TAF5L: variants seen among roughly 807,000 people sequenced by gnomAD.
The protein encoded by TAF5L is TAF5-like RNA polymerase II p300/CBP-associated factor-associated factor 65 kDa subunit 5L.
A neutral mutation model predicts 51.3 loss-of-function variants in TAF5L; 7 were observed. The observed-to-expected ratio is 0.14, with a 90% CI of 0.08 to 0.26. The LOEUF is 0.26. Among genes scored for constraint, TAF5L ranks in the 10% least tolerant of loss-of-function variants. The pLI is 1.00. For missense variants in TAF5L, 575 were observed against 758.9 expected (o/e 0.76, Z 2.85); for synonymous variants, 291 against 308.1 (o/e 0.94, Z 0.58).
chr1:229,610,342 AG>A, intron 2 of TAF5L, 132 bp from the exon 3 acceptor site: 2 of 771,970 alleles, frequency 2.6e-6, no homozygotes, highest in South Asian at 1.7e-5. Flanking sequence ...AGGTTTCCAA[AG>A]CATGCTGGGT....
In TAF5L at chr1:229,594,270, C is replaced by G; in HGVS notation, c.*27G>C. On this transcript the variant is annotated 3_prime_UTR_variant, in exon 5 of 5. Transcript: ENST00000258281. The surrounding 1 kb of genome is among the most constrained non-coding windows in gnomAD (Gnocchi z 7.9). ...CAACTGGAGGCTTTCCACTGTTACCCCAGTCCGTTCCAACAAAGTTAAAAA... is the reference window on the plus strand; with the variant it reads ...CAACTGGAGGCTTTCCACTGTTACCGCAGTCCGTTCCAACAAAGTTAAAAA... The G allele has an allele frequency of 6.3e-7, 1 of 1,584,658 alleles. No individual in the cohort carries two copies. Among genetic ancestry groups the G allele is most frequent in the Non-Finnish European group, 8.6e-7 (1 of 1,163,728 alleles).
Position 229,594,267 on chromosome 1 carries a change from A to C in TAF5L, c.*30T>G, listed in dbSNP as rs1377062817. 6.3e-7 allele frequency: 1 copy of C among 1,578,170 alleles called. No individual in the cohort carries two copies. Among genetic ancestry groups the C allele is most frequent in the Admixed American group, 1.7e-5 (1 of 57,718 alleles). The stretch of plus-strand genomic sequence containing the variant: ...TTGCAACTGGAGGCTTTCCACTGTT[A>C]CCCCAGTCCGTTCCAACAAAGTTAA... On this transcript the variant is annotated 3_prime_UTR_variant, in exon 5 of 5. Transcript: ENST00000258281. This position sits in a 1 kb window ranked among gnomAD's most constrained non-coding sequence, Gnocchi z 7.9.
chr1:229,610,096 G>T lies in TAF5L; in HGVS notation c.247+10C>A, dbSNP rs935626500. On this transcript the variant is annotated intron_variant, in intron 3 of 4. Coordinates refer to ENST00000258281, the Ensembl canonical transcript of TAF5L. Reference sequence around the variant, plus strand: ...CTTAAAAAGAAAAGGTTCTAGAGCTGAGTACTTACCAGTGAGAAAATTCCG... The same window carrying T: ...CTTAAAAAGAAAAGGTTCTAGAGCTTAGTACTTACCAGTGAGAAAATTCCG... The T allele has an allele frequency of 1.2e-6, 2 of 1,612,552 alleles. No homozygotes were observed. Among genetic ancestry groups the T allele is most frequent in the Non-Finnish European group, 1.7e-6 (2 of 1,178,626 alleles).
At chr1:229,609,122 T>C (rs1664702975) in intron 3 of TAF5L, among the ~76,000 whole-genome samples, 1 of 152,210 alleles carries the variant, frequency 6.6e-6, no homozygotes, top group African/African-American at 2.4e-5. Context: ...TAAGATATAT[T>C]GATATGGTCC....
chr1:229,608,544 A>C (rs1664677710), intron 3 of TAF5L, among the ~76,000 whole-genome samples: 1 of 152,224 alleles, frequency 6.6e-6, no homozygotes, highest in Admixed American at 6.5e-5. Flanking sequence ...GAACTTAGAG[A>C]TATTTTTTAT....
intron 4 of TAF5L, among the ~76,000 whole-genome samples, chr1:229,597,976 C>A (rs1463913534): frequency 6.6e-6 from 1 of 152,132 alleles, no homozygotes; most frequent in Non-Finnish European, 1.5e-5. Context: ...TGGAATTTAG[C>A]CTCCATCTAT....
chr1:229,593,753 A>G (rs1260226507), exon 5 of TAF5L: 1 of 151,238 alleles, frequency 6.6e-6, no homozygotes, highest in Non-Finnish European at 1.5e-5. Flanking sequence ...AATAATAATA[A>G]TTATAATTAT....
intron 4 of TAF5L, chr1:229,601,011 AAG>A (rs1558145573): frequency 1.0e-6 from 1 of 984,252 alleles, no homozygotes; most frequent in Non-Finnish European, 1.2e-6. Flanking sequence ...CTCCAAGGAA[AAG>A]AGATGTTTGA....
chr1:229,619,016 T>C (rs1196321999), intron 1 of TAF5L, among the ~76,000 whole-genome samples: 1 of 152,228 alleles, frequency 6.6e-6, no homozygotes, highest in Non-Finnish European at 1.5e-5. Context: ...TTTTGAGTAA[T>C]TGTATCTTTT....
intron 2 of TAF5L, among the ~76,000 whole-genome samples, chr1:229,612,228 A>G (rs898625908): frequency 2.6e-5 from 4 of 152,318 alleles, no homozygotes; most frequent in African/African-American, 9.6e-5. Flanking sequence ...CATGTTTCTC[A>G]CTTTTCCTGG....
chr1:229,595,160 A>T (rs1279558545), intron 4 of TAF5L, 66 bp from the exon 5 acceptor site: 1 of 1,491,728 alleles, frequency 6.7e-7, no homozygotes, highest in Non-Finnish European at 9.0e-7. Flanking sequence ...TCTGACAAGG[A>T]AAACAAGTCC....
chr1:229,615,600 A>G (rs1302625732), intron 1 of TAF5L, among the ~76,000 whole-genome samples: 2 of 151,990 alleles, frequency 1.3e-5, no homozygotes, highest in Admixed American at 6.6e-5. Context: ...CACAAAAATA[A>G]AAAGAAAAGG....
intron 3 of TAF5L, among the ~76,000 whole-genome samples, chr1:229,605,551 G>C (rs559419612): frequency 7.9e-5 from 12 of 151,928 alleles, no homozygotes; most frequent in African/African-American, 2.2e-4. Flanking sequence ...GTCAAACTGT[G>C]GGGGGGCCCA....
At chr1:229,610,251 G>A (rs1664739896) in intron 2 of TAF5L, 41 bp from the exon 3 acceptor site, 3 of 1,591,592 alleles carry the variant, frequency 1.9e-6, no homozygotes, top group African/African-American at 2.7e-5. Context: ...GGGAAACAGA[G>A]AGACGATTAT....
intron 2 of TAF5L, among the ~76,000 whole-genome samples, chr1:229,611,773 G>A (rs760176646): frequency 2.6e-5 from 4 of 152,104 alleles, no homozygotes; most frequent in African/African-American, 7.2e-5. Flanking sequence ...ACTGCCACCA[G>A]ACTGAGTTTT....
Position 229,602,887 on chromosome 1 carries a change from G to C in TAF5L, c.280C>G (p.Pro94Ala). ...TAGACAAAGAGAGGATAGAGGAGAG[G>C]CATCACTTCGTGGCTATGCTGGGAA... Residue 94 changes from proline to alanine, a missense_variant, in exon 4 of 5, where the codon CCT becomes GCT. Pro to Ala is a conservative substitution (Grantham distance 27). This residue lies in a region of TAF5L where 380 missense variants were observed against 443.7 expected (regional missense o/e 0.86). Coordinates refer to ENST00000258281, the Ensembl canonical transcript of TAF5L. This position sits in a 1 kb window ranked among gnomAD's most constrained non-coding sequence, Gnocchi z 4.6. 1 of 1,604,198 alleles carries C rather than the reference G, an allele frequency of 6.2e-7. No individual in the cohort carries two copies. Among genetic ancestry groups the C allele is most frequent in the East Asian group, 2.2e-5 (1 of 44,862 alleles).
At chr1:229,601,033 T>C (rs1470857266) in intron 4 of TAF5L, 1 of 982,954 alleles carries the variant, frequency 1.0e-6, no homozygotes, top group African/African-American at 1.7e-5. Context: ...AAAATTCAAA[T>C]ACAAATGTAA....
At chr1:229,610,238 G>A (rs901885872) in intron 2 of TAF5L, 28 bp from the exon 3 acceptor site, 3 of 1,606,564 alleles carry the variant, frequency 1.9e-6, no homozygotes, top group Non-Finnish European at 2.6e-6. Flanking sequence ...CACAAGTCAG[G>A]GCGGGAAACA....
chr1:229,599,849 T>C (rs986782008), intron 4 of TAF5L: 16 of 985,478 alleles, frequency 1.6e-5, no homozygotes, highest in Non-Finnish European at 1.9e-5. Flanking sequence ...AGAAATACTG[T>C]ATTCACTGAT....
Sources: gnomAD v4.1 joint callset for allele counts (sites outside exome capture counted in the v4.1 genomes callset) on GRCh38, gnomAD v4.1.1 for gene constraint, gnomAD v4.1.1 regional missense constraint, Gnocchi (gnomAD v3.1) non-coding constraint, MANE v1.5 for transcripts, NCBI Gene and HGNC (gene_info 2026-07-23, HGNC 2026-07-21) for gene names.